The following SVOPL variants were observed in gnomAD, a reference collection of about 807,000 sequenced individuals.
SVOPL encodes the protein SVOP like.
A neutral mutation model predicts 61.0 loss-of-function variants in SVOPL; 60 were observed. The ratio of observed to expected loss-of-function variants is 0.98; its 90% CI spans 0.80 to 1.22. The LOEUF is 1.22. Among genes scored for constraint, SVOPL ranks in the 50% most tolerant of loss-of-function variants. The probability of loss-of-function intolerance (pLI) is 0.00; values close to 1 mark genes in which losing one functional copy is unlikely to be tolerated. For missense variants in SVOPL, 662 were observed against 643.9 expected, an observed-to-expected ratio of 1.03 and a Z score of -0.30; for synonymous variants, 279 against 250.0, an observed-to-expected ratio of 1.12 and a Z score of -1.09.
Position 138,649,141 on chromosome 7 carries a change from G to A in SVOPL, c.535-4C>T, listed in dbSNP as rs1006732914. On this transcript the variant is annotated splice_polypyrimidine_tract_variant and splice_region_variant and intron_variant, in intron 7 of 15. Transcript: ENST00000674285. ...GGGAGCCCGCAAGCCAGAACACCTA[G>A]GAAGAGAGAAGTCCAGGATTAAAGT... 6.2e-7 allele frequency: 1 copy of A among 1,607,052 alleles called. No individual in the cohort carries two copies. Among genetic ancestry groups the A allele is most frequent in the Non-Finnish European group, 8.5e-7 (1 of 1,177,342 alleles).
At chr7:138,654,683 C>CG (rs1463465570) in intron 7 of SVOPL, among the ~76,000 whole-genome samples, 105 of 150,960 alleles carry the variant, frequency 7.0e-4, no homozygotes, top group African/African-American at 2.5e-3. Context: ...ACCTACTTCT[C>CG]GGAAAAAAAG....
chr7:138,632,443 AACAG>A (rs1178649711), intron 9 of SVOPL, among the ~76,000 whole-genome samples: 3 of 150,044 alleles, frequency 2.0e-5, no homozygotes, highest in South Asian at 2.1e-4. Flanking sequence ...TCAAAAAATA[AACAG>A]ACAGATGACT....
chr7:138,618,807 CAAA>C (rs1799421114), intron 14 of SVOPL, among the ~76,000 whole-genome samples: 1 of 151,588 alleles, frequency 6.6e-6, no homozygotes, highest in Non-Finnish European at 1.5e-5. Flanking sequence ...GAAAAGAAAA[CAAA>C]AAGAAAATGA....
At chr7:138,641,906 TG>T (rs1800822043) in intron 9 of SVOPL, among the ~76,000 whole-genome samples, 1 of 84,788 alleles carries the variant, frequency 1.2e-5, no homozygotes, top group Non-Finnish European at 2.3e-5. Flanking sequence ...ATACAGTCAA[TG>T]AGTATATATG....
At position 138,675,416 on chromosome 7, in the gene SVOPL, C is replaced by T. The variant is rs115439373; in HGVS notation, c.174+3018G>A. On this transcript the variant is annotated intron_variant, in intron 3 of 15. Transcript: ENST00000674285. ...TTGCCCAGGCTAGAGTACAGTGGCGCGATCTCGGATCGCTGCAACCTCCAT... is the reference window on the plus strand; with the variant it reads ...TTGCCCAGGCTAGAGTACAGTGGCGTGATCTCGGATCGCTGCAACCTCCAT... Among the ~76,000 whole-genome samples, 230 of 152,122 alleles carry T rather than the reference C, an allele frequency of 1.5e-3. 1 individual carries two copies. The highest frequency in any genetic ancestry group is 4.9e-3 in the African/African-American group (203 of 41,490).
intron 11 of SVOPL, among the ~76,000 whole-genome samples, chr7:138,627,717 C>T (rs1799956777): frequency 6.6e-6 from 1 of 152,152 alleles, no homozygotes; most frequent in African/African-American, 2.4e-5. Context: ...TTGTAGATTG[C>T]CAGTTGCTAG....
chr7:138,634,331 C>G (rs1430958331), intron 9 of SVOPL, among the ~76,000 whole-genome samples: 2 of 151,968 alleles, frequency 1.3e-5, no homozygotes, highest in African/African-American at 4.8e-5. Flanking sequence ...CATAGCAAGA[C>G]CTCATCTCTA....
At chr7:138,607,247 A>G (rs985352925) in intron 14 of SVOPL, among the ~76,000 whole-genome samples, 23 of 152,218 alleles carry the variant, frequency 1.5e-4, no homozygotes, top group African/African-American at 5.5e-4. Context: ...GGCCTCGTCT[A>G]GAGATAGAAG....
chr7:138,676,525 T>A (rs1423557545), intron 3 of SVOPL, among the ~76,000 whole-genome samples: 1 of 147,548 alleles, frequency 6.8e-6, no homozygotes, highest in African/African-American at 2.7e-5. Context: ...AGGGCCTTAA[T>A]CCCATTCACG....
chr7:138,689,596 T>C (rs548448748), intron 1 of SVOPL: 5 of 430,990 alleles, frequency 1.2e-5, no homozygotes, highest in African/African-American at 1.0e-4. Flanking sequence ...GTGGTGGCTC[T>C]GCCTGTAATC....
chr7:138,673,842 T>G (rs1344802291), intron 3 of SVOPL, among the ~76,000 whole-genome samples: 1 of 151,936 alleles, frequency 6.6e-6, no homozygotes, highest in African/African-American at 2.4e-5. Context: ...GGAGCCAGGG[T>G]GGGGTACACA....
intron 14 of SVOPL, among the ~76,000 whole-genome samples, chr7:138,611,649 A>T (rs1799007635): frequency 6.6e-6 from 1 of 152,032 alleles, no homozygotes; most frequent in South Asian, 2.1e-4. Flanking sequence ...GGACAAAAAG[A>T]TCATCTTTCG....
intron 14 of SVOPL, among the ~76,000 whole-genome samples, chr7:138,613,122 C>A (rs773784569): frequency 1.3e-5 from 2 of 151,662 alleles, no homozygotes; most frequent in African/African-American, 2.4e-5. Context: ...AGGGTTCCAG[C>A]GATTCTCCTG....
intron 3 of SVOPL, among the ~76,000 whole-genome samples, chr7:138,675,758 A>T (rs1411464164): frequency 8.5e-5 from 13 of 152,054 alleles, no homozygotes; most frequent in Admixed American, 5.2e-4. Flanking sequence ...CTCCGGCCCA[A>T]CACCATTGTT....
rs1803189471 is a variant in SVOPL, at chr7:138,701,226, C to T, written c.-83G>A. On this transcript the variant is annotated 5_prime_UTR_variant, in exon 1 of 16. Transcript: ENST00000674285. Reference sequence around the variant, plus strand: ...TTCCAATTTCAGGCTCTTTTGCTCCCCTCACCGTGGCCAAGTCTTAGACGG... The same window carrying T: ...TTCCAATTTCAGGCTCTTTTGCTCCTCTCACCGTGGCCAAGTCTTAGACGG... 1 of 152,290 alleles carries T rather than the reference C, an allele frequency of 6.6e-6. No homozygotes were observed. Among genetic ancestry groups the T allele is most frequent in the Middle Eastern group, 3.4e-3 (1 of 294 alleles). The allele number at this position is 152,290 out of a possible 1,614,324, so 9.4% of individuals were successfully genotyped here.
intron 9 of SVOPL, among the ~76,000 whole-genome samples, chr7:138,641,889 TG>T (rs1800821358): frequency 7.4e-6 from 1 of 134,442 alleles, no homozygotes; most frequent in Non-Finnish European, 1.6e-5. Flanking sequence ...ATATAGTCAA[TG>T]GGTATATACA....
intron 3 of SVOPL, among the ~76,000 whole-genome samples, chr7:138,677,463 A>C (rs541468897): frequency 1.1e-4 from 16 of 152,290 alleles, no homozygotes; most frequent in African/African-American, 3.6e-4. Context: ...TTGGCATAAC[A>C]TTATGTGAAA....
At chr7:138,689,282 T>C (rs1802886580) in intron 1 of SVOPL, 1 of 1,586,612 alleles carries the variant, frequency 6.3e-7, no homozygotes, top group Admixed American at 1.7e-5. Context: ...CAGAGAGCAA[T>C]GCAGAACTTA....
At chr7:138,668,656 AG>A (rs1369805147) in intron 4 of SVOPL, among the ~76,000 whole-genome samples, 1 of 152,218 alleles carries the variant, frequency 6.6e-6, no homozygotes, top group Non-Finnish European at 1.5e-5. Flanking sequence ...CAGTTCCTCA[AG>A]TGAGGGAATT....
Sources: allele counts gnomAD v4.1 joint callset (sites outside exome capture counted in the v4.1 genomes callset), GRCh38; gene constraint gnomAD v4.1.1; transcripts MANE v1.5; gene names NCBI Gene and HGNC (gene_info 2026-07-23, HGNC 2026-07-21).